Variants in OSBPL10 observed in about 807,000 individuals in gnomAD.
OSBPL10 encodes the protein oxysterol-binding protein-related protein 10.
A neutral mutation model predicts 81.7 loss-of-function variants in OSBPL10; 49 were observed. The observed-to-expected ratio is 0.60, with a 90% CI of 0.48 to 0.76. The LOEUF (loss-of-function observed/expected upper bound fraction) is 0.76, where lower values mean the gene tolerates loss of function less well. Ranked by LOEUF, OSBPL10 falls within the 30% of genes least tolerant of loss-of-function variation. The pLI is 0.00. For synonymous variants in OSBPL10, 419 were observed against 383.6 expected, an observed-to-expected ratio of 1.09 and a Z score of -1.08; for missense variants, 923 against 987.8, an observed-to-expected ratio of 0.93 and a Z score of 0.88.
chr3:31,810,922 G>A (rs1374231848), intron 4 of OSBPL10, among the ~76,000 whole-genome samples: 1 of 152,134 alleles, frequency 6.6e-6, no homozygotes, highest in Non-Finnish European at 1.5e-5. Context: ...ACTCCCTAAA[G>A]CATTGTTTGT....
intron 7 of OSBPL10, among the ~76,000 whole-genome samples, chr3:31,698,724 C>T (rs1230703758): frequency 6.6e-6 from 1 of 152,146 alleles, no homozygotes; most frequent in East Asian, 1.9e-4. Context: ...AACACTCTTC[C>T]GTAGATGCTC....
intron 2 of OSBPL10, among the ~76,000 whole-genome samples, chr3:32,012,131 C>A (rs960584238): frequency 6.6e-6 from 1 of 152,152 alleles, no homozygotes; most frequent in African/African-American, 2.4e-5. Context: ...AACTCCAAGA[C>A]ACATAATTGT....
At chr3:31,779,007 A>C (rs950956667) in intron 4 of OSBPL10, among the ~76,000 whole-genome samples, 4 of 151,816 alleles carry the variant, frequency 2.6e-5, no homozygotes, top group African/African-American at 7.3e-5. Context: ...TTTCTCAGAC[A>C]AACAAATGCT....
At chr3:31,882,433 T>C (rs536633334) in intron 1 of OSBPL10, among the ~76,000 whole-genome samples, 2 of 152,266 alleles carry the variant, frequency 1.3e-5, no homozygotes, top group East Asian at 1.9e-4. Flanking sequence ...TTGTTAGAAA[T>C]GGAAAATCTT....
chr3:31,666,803 C>T (rs1700201486), intron 10 of OSBPL10, among the ~76,000 whole-genome samples: 1 of 152,092 alleles, frequency 6.6e-6, no homozygotes, highest in Non-Finnish European at 1.5e-5. Context: ...TAACAATATA[C>T]CATAATAAAA....
intron 1 of OSBPL10, among the ~76,000 whole-genome samples, chr3:31,959,868 C>T (rs956405759): frequency 6.6e-6 from 1 of 152,156 alleles, no homozygotes; most frequent in Non-Finnish European, 1.5e-5. Context: ...GCCTCCCTCT[C>T]CCCTTGACTA....
At position 31,823,623 on chromosome 3, in the gene OSBPL10, G is replaced by A. The variant is rs150944131; in HGVS notation, c.729+6417C>T. On this transcript the variant is annotated intron_variant, in intron 4 of 11. Transcript: ENST00000396556. Reference sequence around the variant, plus strand: ...ATAATAAATAGGTAAAAAGAAATAGGTAGAATAAATTCTAAAATACTTTAT... The same window carrying A: ...ATAATAAATAGGTAAAAAGAAATAGATAGAATAAATTCTAAAATACTTTAT... Among the ~76,000 whole-genome samples, 251 of 152,170 alleles carry A rather than the reference G, an allele frequency of 1.6e-3. 1 individual carries two copies. The highest frequency in any genetic ancestry group is 5.6e-3 in the African/African-American group (233 of 41,496).
At chr3:31,965,830 A>ATATAATATATATTATCTATT (rs1698371277) in intron 1 of OSBPL10, among the ~76,000 whole-genome samples, 1 of 80,534 alleles carries the variant, frequency 1.2e-5, no homozygotes, top group Non-Finnish European at 2.0e-5. Flanking sequence ...TTATATAAAT[A>ATATAATATATATTATCTATT]TATAATATAT....
intron 2 of OSBPL10, chr3:31,989,957 A>T (rs1418086507): frequency 6.2e-7 from 1 of 1,614,184 alleles, no homozygotes; most frequent in Non-Finnish European, 8.5e-7. Context: ...GAATGTGGCA[A>T]GGTTTTTAAT....
intron 6 of OSBPL10, among the ~76,000 whole-genome samples, chr3:31,716,043 GA>G (rs1696422627): frequency 6.6e-6 from 1 of 152,154 alleles, no homozygotes; most frequent in South Asian, 2.1e-4. Flanking sequence ...GTGGCAGCGG[GA>G]AAGGCTCTAA....
intron 4 of OSBPL10, among the ~76,000 whole-genome samples, chr3:31,789,617 A>C (rs6798458): frequency 6.6e-6 from 1 of 151,732 alleles, no homozygotes; most frequent in Non-Finnish European, 1.5e-5. Flanking sequence ...GCACTGCCTC[A>C]AGAAAGATAC....
intron 4 of OSBPL10, among the ~76,000 whole-genome samples, chr3:31,801,084 CCAGCCACCTGGACTAGGATT>C (rs1460364982): frequency 4.6e-5 from 7 of 152,150 alleles, no homozygotes; most frequent in Non-Finnish European, 8.8e-5. Context: ...GACTTAGGAT[CCAGCCACCTGGACTAGGATT>C]CAGCCACCTG....
intron 1 of OSBPL10, among the ~76,000 whole-genome samples, chr3:31,944,049 G>A (rs914199739): frequency 1.8e-4 from 25 of 140,394 alleles, no homozygotes; most frequent in Admixed American, 1.2e-3. Flanking sequence ...GATAGATAAA[G>A]CATAACTTTA....
intron 7 of OSBPL10, among the ~76,000 whole-genome samples, chr3:31,689,005 A>T (rs1164210357): frequency 2.0e-5 from 3 of 152,212 alleles, no homozygotes; most frequent in East Asian, 3.8e-4. Flanking sequence ...GAAATTGCCT[A>T]GTCTGAAGGC....
chr3:32,012,245 C>T (rs979625268), intron 2 of OSBPL10, among the ~76,000 whole-genome samples: 12 of 152,146 alleles, frequency 7.9e-5, no homozygotes, highest in African/African-American at 2.4e-4. Context: ...GCTGATCTCT[C>T]GGCAGAAACT....
chr3:31,753,685 A>T (rs141009484), intron 4 of OSBPL10, among the ~76,000 whole-genome samples: 1 of 152,318 alleles, frequency 6.6e-6, no homozygotes, highest in African/African-American at 2.4e-5. Flanking sequence ...AAAAACCATC[A>T]ACACTCTGCC....
intron 1 of OSBPL10, among the ~76,000 whole-genome samples, chr3:31,895,525 T>G (rs1055195799): frequency 2.0e-5 from 3 of 152,048 alleles, no homozygotes; most frequent in Non-Finnish European, 2.9e-5. Context: ...GCAGTGGTAG[T>G]TTTTTAAAGC....
intron 10 of OSBPL10, among the ~76,000 whole-genome samples, chr3:31,665,917 C>A (rs1700177262): frequency 6.6e-6 from 1 of 152,136 alleles, no homozygotes; most frequent in South Asian, 2.1e-4. Flanking sequence ...CGCCCAAAAC[C>A]AGAGACAGGG....
intron 10 of OSBPL10, among the ~76,000 whole-genome samples, chr3:31,666,661 C>T (rs546216641): frequency 2.0e-5 from 3 of 152,098 alleles, no homozygotes; most frequent in African/African-American, 7.2e-5. Flanking sequence ...TTGGAGACCC[C>T]CCAGCAGATG....
Sources: gnomAD v4.1 joint callset for allele counts (sites outside exome capture counted in the v4.1 genomes callset) on GRCh38, gnomAD v4.1.1 for gene constraint, MANE v1.5 for transcripts, NCBI Gene and HGNC (gene_info 2026-07-23, HGNC 2026-07-21) for gene names.